The following NRXN3 variants were observed in gnomAD, a reference collection of about 807,000 sequenced individuals.
The protein encoded by NRXN3 is neurexin III.
NRXN3 carries 32 observed loss-of-function variants against 137.6 expected under a neutral mutation model. The ratio of observed to expected loss-of-function variants is 0.23; its 90% CI spans 0.18 to 0.31. The LOEUF is 0.31. Ranked by LOEUF, NRXN3 falls within the 10% of genes least tolerant of loss-of-function variation. NRXN3 has a pLI of 1.00. For missense variants in NRXN3, 1,574 were observed against 2,062.5 expected (o/e 0.76, Z 4.59); for synonymous variants, 798 against 784.5 (o/e 1.02, Z -0.29).
intron 4 of NRXN3, among the ~76,000 whole-genome samples, chr14:78,411,367 C>G (rs983193473): frequency 6.6e-6 from 1 of 152,152 alleles, no homozygotes; most frequent in Non-Finnish European, 1.5e-5. Context: ...TTAAGCTGAG[C>G]CTTTCCCTGC....
intron 16 of NRXN3, among the ~76,000 whole-genome samples, chr14:79,480,099 G>A (rs569946810): frequency 6.6e-5 from 10 of 152,252 alleles, no homozygotes; most frequent in Admixed American, 3.3e-4. Context: ...CCAGATGTGG[G>A]TGTCTTCACA....
At chr14:78,963,099 C>A (rs746317980) in intron 11 of NRXN3, among the ~76,000 whole-genome samples, 51 of 152,026 alleles carry the variant, frequency 3.4e-4, no homozygotes, top group Non-Finnish European at 4.9e-4. Flanking sequence ...GCTCCTAAAT[C>A]CACTATTAAC....
chr14:78,911,793 T>C (rs1312342463), intron 10 of NRXN3, among the ~76,000 whole-genome samples: 1 of 151,832 alleles, frequency 6.6e-6, no homozygotes, highest in African/African-American at 2.4e-5. Flanking sequence ...TAGAGAAAAA[T>C]AAGAGTTAAA....
intron 17 of NRXN3, among the ~76,000 whole-genome samples, chr14:79,672,360 G>T (rs2098612970): frequency 6.6e-6 from 1 of 152,138 alleles, no homozygotes; most frequent in Middle Eastern, 3.4e-3. Context: ...AATGTAACCA[G>T]GGATGTAAGA....
At chr14:79,813,171 CAT>C (rs1214631098) in intron 20 of NRXN3, among the ~76,000 whole-genome samples, 1 of 152,168 alleles carries the variant, frequency 6.6e-6, no homozygotes, top group Non-Finnish European at 1.5e-5. Context: ...CATCAGCCAA[CAT>C]AGACATGCAT....
At chr14:79,123,731 G>C (rs570115378) in intron 15 of NRXN3, among the ~76,000 whole-genome samples, 1 of 152,228 alleles carries the variant, frequency 6.6e-6, no homozygotes, top group South Asian at 2.1e-4. Flanking sequence ...TTGGAGGCTG[G>C]GATATAAGTC....
intron 15 of NRXN3, among the ~76,000 whole-genome samples, chr14:79,027,634 C>T (rs1257468461): frequency 6.6e-6 from 1 of 152,022 alleles, no homozygotes; most frequent in Non-Finnish European, 1.5e-5. Flanking sequence ...ATGTAATGTC[C>T]TTTTTACTTA....
chr14:78,432,181 C>T (rs1270877549), intron 4 of NRXN3, among the ~76,000 whole-genome samples: 5 of 152,184 alleles, frequency 3.3e-5, no homozygotes, highest in African/African-American at 4.8e-5. Context: ...ATTCAGAACA[C>T]CAGTCACATT....
chr14:79,348,045 C>G (rs1057466818), intron 15 of NRXN3, among the ~76,000 whole-genome samples: 1 of 151,972 alleles, frequency 6.6e-6, no homozygotes, highest in African/African-American at 2.4e-5. Flanking sequence ...AACCTTTGTG[C>G]TTCCTTTTTC....
intron 19 of NRXN3, among the ~76,000 whole-genome samples, chr14:79,758,053 TTTTG>T: frequency 6.6e-6 from 1 of 152,282 alleles, no homozygotes; most frequent in Non-Finnish European, 1.5e-5. Flanking sequence ...TTGCTAGTTT[TTTTG>T]TTTATTTTTG....
intron 15 of NRXN3, among the ~76,000 whole-genome samples, chr14:79,423,051 T>C (rs930134574): frequency 6.6e-6 from 1 of 152,168 alleles, no homozygotes; most frequent in African/African-American, 2.4e-5. Flanking sequence ...CAGAATGGTA[T>C]GGAGAAGGGC....
intron 15 of NRXN3, among the ~76,000 whole-genome samples, chr14:79,416,656 C>T (rs762230823): frequency 5.3e-5 from 8 of 152,014 alleles, no homozygotes; most frequent in Non-Finnish European, 8.8e-5. Context: ...CTGTTTGAAC[C>T]CATGCAAAAC....
chr14:79,280,604 G>C, intron 15 of NRXN3: 1 of 1,445,140 alleles, frequency 6.9e-7, no homozygotes, highest in Non-Finnish European at 9.5e-7. Context: ...TAGCCTTGCA[G>C]GTAGTGTCAA....
intron 19 of NRXN3, among the ~76,000 whole-genome samples, chr14:79,716,357 A>G (rs998230267): frequency 6.6e-6 from 1 of 152,230 alleles, no homozygotes; most frequent in Non-Finnish European, 1.5e-5. Flanking sequence ...TGAACAGATC[A>G]TATAATGGTT....
chr14:78,881,850 A>G (rs2099129941), intron 10 of NRXN3, among the ~76,000 whole-genome samples: 1 of 151,630 alleles, frequency 6.6e-6, no homozygotes, highest in Non-Finnish European at 1.5e-5. Context: ...AATCACCATG[A>G]TAATGGGGAA....
chr14:78,726,695 T>C (rs1413811992), intron 8 of NRXN3, among the ~76,000 whole-genome samples: 1 of 151,810 alleles, frequency 6.6e-6, no homozygotes, highest in Admixed American at 6.6e-5. Context: ...ATTTTTGTAT[T>C]TTTTGTAGAC....
intron 10 of NRXN3, among the ~76,000 whole-genome samples, chr14:78,951,616 T>C (rs1360242907): frequency 6.6e-6 from 1 of 152,098 alleles, no homozygotes; most frequent in Non-Finnish European, 1.5e-5. Flanking sequence ...TATCTCATGT[T>C]CCTTAATTTG....
intron 15 of NRXN3, among the ~76,000 whole-genome samples, chr14:79,070,684 A>G (rs1032152463): frequency 6.6e-6 from 1 of 152,048 alleles, no homozygotes; most frequent in Non-Finnish European, 1.5e-5. Context: ...TCCCACTTCC[A>G]TTTTTTTCTT....
intron 19 of NRXN3, among the ~76,000 whole-genome samples, chr14:79,720,794 T>G (rs997692631): frequency 6.6e-6 from 1 of 152,160 alleles, no homozygotes; most frequent in African/African-American, 2.4e-5. Flanking sequence ...GAATGGTGTT[T>G]GCTTTGTGTG....
Sources: allele counts gnomAD v4.1 joint callset (sites outside exome capture counted in the v4.1 genomes callset), GRCh38; gene constraint gnomAD v4.1.1; transcripts MANE v1.5; gene names NCBI Gene and HGNC (gene_info 2026-07-23, HGNC 2026-07-21).